C4orf36: variants seen among roughly 807,000 people sequenced by gnomAD.
C4orf36 encodes chromosome 4 open reading frame 36, also known as uncharacterized protein C4orf36.
In C4orf36, 11 loss-of-function variants were observed where a neutral mutation model predicts 12.2. The observed-to-expected ratio is 0.90, with a 90% CI of 0.57 to 1.49. The LOEUF is 1.49. Ranked by LOEUF, C4orf36 falls within the 40% of genes most tolerant of loss-of-function variation. The pLI is 0.00. For synonymous variants in C4orf36, 54 were observed against 51.3 expected (o/e 1.05, Z -0.22); for missense variants, 137 against 133.9 (o/e 1.02, Z -0.11).
chr4:86,922,742 C>A, the C4orf36 span, among the ~76,000 whole-genome samples: 1 of 152,140 alleles, frequency 6.6e-6, no homozygotes, highest in Admixed American at 6.6e-5. Flanking sequence ...AGCTGCACCA[C>A]CACCTCTATC....
upstream of C4orf36, among the ~76,000 whole-genome samples, chr4:86,894,054 G>A (rs1023679517): frequency 2.2e-4 from 33 of 151,872 alleles, no homozygotes; most frequent in African/African-American, 6.0e-4. Flanking sequence ...CCGCCACCAC[G>A]CCCAGCTGAT....
At chr4:86,933,148 T>C in the C4orf36 span, 4 of 145,106 alleles carry the variant, frequency 2.8e-5, no homozygotes, top group African/African-American at 7.6e-5. Flanking sequence ...TAAAAAATAA[T>C]AATAACTCAC....
chr4:86,891,641 T>C, intron 1 of C4orf36, 48 bp from the exon 2 acceptor site: 8 of 1,493,936 alleles, frequency 5.4e-6, no homozygotes, highest in South Asian at 1.3e-5. Flanking sequence ...CGTGAATATT[T>C]TGTAGCCAAA....
chr4:86,913,320 G>A, the C4orf36 span: 16 of 783,782 alleles, frequency 2.0e-5, no homozygotes, highest in Middle Eastern at 3.2e-4. Flanking sequence ...TGGCTCCACC[G>A]ATGTCAGTAG....
the C4orf36 span, among the ~76,000 whole-genome samples, chr4:86,920,730 C>T: frequency 2.0e-5 from 3 of 152,216 alleles, no homozygotes; most frequent in Non-Finnish European, 4.4e-5. Flanking sequence ...AACTAACACA[C>T]TCCTTTGATA....
the C4orf36 span, among the ~76,000 whole-genome samples, chr4:86,929,426 A>G: frequency 6.6e-6 from 1 of 152,180 alleles, no homozygotes; most frequent in Non-Finnish European, 1.5e-5. Context: ...TCCTTGCTAT[A>G]TGGCCTCTAT....
the C4orf36 span, among the ~76,000 whole-genome samples, chr4:86,904,686 G>A: frequency 6.6e-6 from 1 of 151,664 alleles, no homozygotes; most frequent in African/African-American, 2.4e-5. Flanking sequence ...TTGAGCCCCG[G>A]AGTTCAAGGT....
chr4:86,914,247 T>C, the C4orf36 span: 1 of 1,602,830 alleles, frequency 6.2e-7, no homozygotes, highest in African/African-American at 1.3e-5. Flanking sequence ...GACACCATCT[T>C]TCTGACTCCA....
At chr4:86,883,337 G>A (rs551404888) in intron 4 of C4orf36, among the ~76,000 whole-genome samples, 1 of 152,290 alleles carries the variant, frequency 6.6e-6, no homozygotes, top group African/African-American at 2.4e-5. Context: ...AAAAATTCAG[G>A]TCAGATAGTT....
At chr4:86,887,704 C>A in intron 4 of C4orf36, 54 bp downstream of exon 4, 1 of 1,606,500 alleles carries the variant, frequency 6.2e-7, no homozygotes, top group Non-Finnish European at 8.5e-7. Context: ...GGTCCAGAGA[C>A]CTTCATGCCC....
intron 4 of C4orf36, among the ~76,000 whole-genome samples, chr4:86,884,011 C>A (rs1747106842): frequency 6.6e-6 from 1 of 150,576 alleles, no homozygotes; most frequent in Non-Finnish European, 1.5e-5. Flanking sequence ...AAAAAAAATA[C>A]CAGAAGATCC....
chr4:86,889,858 G>C (rs1280463028), intron 2 of C4orf36, among the ~76,000 whole-genome samples: 12 of 151,736 alleles, frequency 7.9e-5, no homozygotes, highest in Non-Finnish European at 1.6e-4. Flanking sequence ...CTAAGGCTGA[G>C]ACTGCACTGA....
At chr4:86,893,080 G>A (rs562742519), upstream of C4orf36, among the ~76,000 whole-genome samples, 1 of 152,328 alleles carries the variant, frequency 6.6e-6, no homozygotes, top group African/African-American at 2.4e-5. Flanking sequence ...GGGTTGTTCT[G>A]AGGATGAAAG....
chr4:86,887,657 G>GCA (rs3035472), intron 4 of C4orf36, 101 bp downstream of exon 4: 741,402 of 1,399,246 alleles, frequency 0.53, 201,748 homozygotes, highest in South Asian at 0.68. Flanking sequence ...CCACCAGTGG[G>GCA]CATTCAAATA....
At chr4:86,876,470 GATTTT>G in intron 4 of C4orf36, 27 bp from the exon 5 acceptor site, 1 of 1,613,058 alleles carries the variant, frequency 6.2e-7, no homozygotes, top group Non-Finnish European at 8.5e-7. Flanking sequence ...GGGAAAATAA[GATTTT>G]ATTTTATCAT....
chr4:86,878,141 G>A (rs1234293740), intron 4 of C4orf36, among the ~76,000 whole-genome samples: 1 of 150,484 alleles, frequency 6.6e-6, no homozygotes, highest in East Asian at 2.0e-4. Context: ...TCTTCCCCTT[G>A]GGAAAATCAA....
chr4:86,879,820 C>T (rs1367816612), intron 4 of C4orf36, among the ~76,000 whole-genome samples: 10 of 150,534 alleles, frequency 6.6e-5, no homozygotes, highest in African/African-American at 2.4e-4. Context: ...CTAGGGAGAT[C>T]TTATTAGACT....
At chr4:86,913,470 G>T in the C4orf36 span, 1 of 768,704 alleles carries the variant, frequency 1.3e-6, no homozygotes, top group Non-Finnish European at 2.4e-6. Flanking sequence ...ATTCATGACA[G>T]ACATGTTGCG....
chr4:86,930,290 G>C, the C4orf36 span, among the ~76,000 whole-genome samples: 1 of 152,208 alleles, frequency 6.6e-6, no homozygotes, highest in Non-Finnish European at 1.5e-5. Context: ...CCTTGAGCCT[G>C]CTGATGTGAA....
Sources: allele counts gnomAD v4.1 joint callset (sites outside exome capture counted in the v4.1 genomes callset), GRCh38; gene constraint gnomAD v4.1.1; transcripts MANE v1.5; gene names NCBI Gene and HGNC (gene_info 2026-07-23, HGNC 2026-07-21).